Variants in MVB12B observed in about 807,000 individuals in gnomAD.
MVB12B encodes the protein ESCRT-I complex subunit MVB12B.
MVB12B carries 16 observed loss-of-function variants against 41.6 expected under a neutral mutation model. That is an observed-to-expected ratio of 0.38 (90% CI 0.26 to 0.58). The LOEUF is 0.58. MVB12B is among the 20% of genes least tolerant of loss of function. The pLI is 0.62. For synonymous variants in MVB12B, 133 were observed against 139.7 expected (o/e 0.95, Z 0.34); for missense variants, 274 against 380.2 (o/e 0.72, Z 2.32).
chr9:126,462,091 A>AG (rs150831449), intron 7 of MVB12B, among the ~76,000 whole-genome samples: 2 of 152,388 alleles, frequency 1.3e-5, no homozygotes, highest in East Asian at 3.8e-4. Flanking sequence ...TGTGTTCACC[A>AG]GTTCATAGAA....
intron 3 of MVB12B, among the ~76,000 whole-genome samples, chr9:126,381,790 A>G (rs1266762380): frequency 6.6e-6 from 1 of 152,060 alleles, no homozygotes; most frequent in Non-Finnish European, 1.5e-5. Context: ...TTAGAAAGAA[A>G]GGAAATAGCT....
chr9:126,396,804 A>C (rs1831127371), intron 6 of MVB12B: 10 of 985,352 alleles, frequency 1.0e-5, no homozygotes, highest in Admixed American at 1.2e-4. Context: ...AGTAGTTTTC[A>C]GTTTCATTTG....
At chr9:126,463,207 G>T (rs967879824) in intron 7 of MVB12B, among the ~76,000 whole-genome samples, 2 of 152,124 alleles carry the variant, frequency 1.3e-5, no homozygotes, top group African/African-American at 4.8e-5. Context: ...CCTCTGCGTA[G>T]GTTGGTGTGT....
chr9:126,454,868 C>G (rs1279152301), intron 7 of MVB12B, among the ~76,000 whole-genome samples: 1 of 152,068 alleles, frequency 6.6e-6, no homozygotes, highest in Non-Finnish European at 1.5e-5. Flanking sequence ...TAACAACACA[C>G]CACAGAGATG....
chr9:126,425,337 G>A (rs1832144467), intron 7 of MVB12B, among the ~76,000 whole-genome samples: 1 of 152,168 alleles, frequency 6.6e-6, no homozygotes, highest in African/African-American at 2.4e-5. Context: ...GGTCTGGAAA[G>A]GTCCACACCT....
intron 3 of MVB12B, among the ~76,000 whole-genome samples, chr9:126,385,487 T>A (rs1476091738): frequency 2.6e-5 from 4 of 152,154 alleles, no homozygotes; most frequent in Non-Finnish European, 4.4e-5. Context: ...GTAGCAGCCC[T>A]TCTTCTCTAA....
chr9:126,396,620 G>C, intron 6 of MVB12B: 1 of 985,448 alleles, frequency 1.0e-6, no homozygotes, highest in East Asian at 1.1e-4. Flanking sequence ...GTTCCTCTGT[G>C]CCAAGCCTCC....
chr9:126,349,114 G>C (rs770691956), intron 2 of MVB12B, among the ~76,000 whole-genome samples: 9 of 152,186 alleles, frequency 5.9e-5, no homozygotes, highest in Non-Finnish European at 1.2e-4. Context: ...AGGGAGAAAC[G>C]AGCCAGGAAG....
chr9:126,331,942 T>C (rs1412600805), intron 1 of MVB12B, among the ~76,000 whole-genome samples: 1 of 152,256 alleles, frequency 6.6e-6, no homozygotes, highest in Non-Finnish European at 1.5e-5. Flanking sequence ...GGGGTGCCCC[T>C]TCCTGTAGCT....
chr9:126,447,858 C>T (rs1220976064), intron 7 of MVB12B, among the ~76,000 whole-genome samples: 1 of 152,164 alleles, frequency 6.6e-6, no homozygotes, highest in African/African-American at 2.4e-5. Context: ...TTATTGAGGC[C>T]ATGAAGGTTT....
Position 126,391,227 on chromosome 9 carries a change from T to C in MVB12B, c.410-839T>C, listed in dbSNP as rs567574360. ...CCTAAAAAACCTAACCTGAGTCTAATCGAGGCTTTAGCTCTGCCAGCCTAC... is the reference window on the plus strand; with the variant it reads ...CCTAAAAAACCTAACCTGAGTCTAACCGAGGCTTTAGCTCTGCCAGCCTAC... On this transcript the variant is annotated intron_variant, in intron 4 of 9. Transcript: ENST00000361171. The surrounding 1 kb of genome is among the most constrained non-coding windows in gnomAD (Gnocchi z 4.4). Among the ~76,000 whole-genome samples the C allele has an allele frequency of 4.3e-4, 65 of 152,160 alleles. 1 individual carries two copies. The highest frequency in any genetic ancestry group is 8.8e-4 in the Non-Finnish European group (60 of 68,036).
At position 126,386,361 on chromosome 9, in the gene MVB12B, C is replaced by T. The variant is rs1431476218; in HGVS notation, c.313-201C>T. Among the ~76,000 whole-genome samples the T allele has an allele frequency of 2.0e-5, 3 of 152,102 alleles. No homozygotes were observed. Among genetic ancestry groups the T allele is most frequent in the Non-Finnish European group, 4.4e-5 (3 of 68,018 alleles). On this transcript the variant is annotated intron_variant, in intron 3 of 9. Coordinates refer to ENST00000361171, the MANE Select transcript of MVB12B (RefSeq NM_033446.3). The surrounding 1 kb of genome is among the most constrained non-coding windows in gnomAD (Gnocchi z 4.3). ...TCTGAGTTGAGTGGCTTTGAGGTTC[C>T]GCAGATGAAACTCCTTCCCAGGGGC...
chr9:126,487,476 T>C (rs544984773), intron 9 of MVB12B, among the ~76,000 whole-genome samples: 2 of 152,350 alleles, frequency 1.3e-5, no homozygotes, highest in South Asian at 4.1e-4. Flanking sequence ...AAAACAGGTC[T>C]GGGCCAGGTG....
chr9:126,403,848 A>G (rs770429643), intron 6 of MVB12B, among the ~76,000 whole-genome samples: 1 of 151,238 alleles, frequency 6.6e-6, no homozygotes, highest in Non-Finnish European at 1.5e-5. Context: ...ATCATATTTT[A>G]TGCATCGCCC....
chr9:126,366,648 A>G (rs771374767), intron 2 of MVB12B, among the ~76,000 whole-genome samples: 19 of 152,126 alleles, frequency 1.2e-4, no homozygotes, highest in Non-Finnish European at 1.8e-4. Flanking sequence ...AAAATGCTGC[A>G]TTCCTTCCAT....
chr9:126,348,053 T>A (rs956732983), intron 2 of MVB12B, among the ~76,000 whole-genome samples: 1 of 152,234 alleles, frequency 6.6e-6, no homozygotes, highest in Admixed American at 6.5e-5. Flanking sequence ...AGCACAGGGC[T>A]TTGCTATCGT....
At chr9:126,385,920 G>A (rs1316648322) in intron 3 of MVB12B, among the ~76,000 whole-genome samples, 1 of 152,156 alleles carries the variant, frequency 6.6e-6, no homozygotes, top group Non-Finnish European at 1.5e-5. Context: ...AAAGATATTT[G>A]TACACCAGTT....
chr9:126,422,275 G>A (rs1832045741), intron 7 of MVB12B, among the ~76,000 whole-genome samples: 1 of 152,212 alleles, frequency 6.6e-6, no homozygotes, highest in Non-Finnish European at 1.5e-5. Flanking sequence ...GGCCTCGGGA[G>A]CAGCGCCGAG....
chr9:126,415,328 T>A (rs1831783664), intron 6 of MVB12B, among the ~76,000 whole-genome samples: 1 of 152,182 alleles, frequency 6.6e-6, no homozygotes, highest in Admixed American at 6.5e-5. Flanking sequence ...TGTCTATGGA[T>A]GCCAGTCCAT....
Sources: gnomAD v4.1 joint callset for allele counts (sites outside exome capture counted in the v4.1 genomes callset) on GRCh38, gnomAD v4.1.1 for gene constraint, Gnocchi (gnomAD v3.1) non-coding constraint, MANE v1.5 for transcripts, NCBI Gene and HGNC (gene_info 2026-07-23, HGNC 2026-07-21) for gene names.